Variants in EDAR observed in about 807,000 individuals in gnomAD.
EDAR encodes the protein tumor necrosis factor receptor superfamily member EDAR.
A neutral mutation model predicts 51.3 loss-of-function variants in EDAR; 38 were observed. The ratio of observed to expected loss-of-function variants is 0.74; its 90% CI spans 0.57 to 0.97. The LOEUF (loss-of-function observed/expected upper bound fraction) is 0.97. EDAR is among the 50% of genes least tolerant of loss of function. EDAR has a pLI of 0.00. For synonymous variants in EDAR, 227 were observed against 242.1 expected (o/e 0.94, Z 0.58); for missense variants, 528 against 595.0 (o/e 0.89, Z 1.17).
chr2:108,984,440 G>A (rs1698464556), intron 1 of EDAR, among the ~76,000 whole-genome samples: 1 of 152,026 alleles, frequency 6.6e-6, no homozygotes, highest in African/African-American at 2.4e-5. Context: ...CCTTGCCACG[G>A]CCCGCTCAGG....
intron 7 of EDAR, 24 bp downstream of exon 7, chr2:108,910,923 G>T: frequency 1.9e-6 from 3 of 1,614,096 alleles, no homozygotes; most frequent in Non-Finnish European, 2.5e-6. Context: ...AGGAAGCAGG[G>T]CACCGGCGCA....
chr2:108,946,992 G>A (rs868845242), intron 1 of EDAR, among the ~76,000 whole-genome samples: 4 of 152,186 alleles, frequency 2.6e-5, no homozygotes, highest in South Asian at 2.1e-4. Flanking sequence ...AGTCTCATCT[G>A]AGACAAGGCA....
Position 108,907,362 on chromosome 2 carries a change from G to A in EDAR, c.963+498C>T, listed in dbSNP as rs148866071. Among the ~76,000 whole-genome samples the A allele has an allele frequency of 2.7e-4, 41 of 152,210 alleles. 1 individual carries two copies. The highest frequency in any genetic ancestry group is 2.2e-3 in the Admixed American group (34 of 15,286). The stretch of plus-strand genomic sequence containing the variant: ...TATGAAGCTATATAATAAAAACAAA[G>A]TGGCTGGGCGTGGTAGCTCACACCT... On this transcript the variant is annotated intron_variant, in intron 10 of 11. Transcript: ENST00000258443.
At chr2:108,955,751 G>A (rs1697910023) in intron 1 of EDAR, among the ~76,000 whole-genome samples, 2 of 152,026 alleles carry the variant, frequency 1.3e-5, no homozygotes, top group Non-Finnish European at 2.9e-5. Flanking sequence ...TAGAGGTAGG[G>A]CGCGGTGGCT....
chr2:108,923,824 C>T (rs1256180965), intron 4 of EDAR, among the ~76,000 whole-genome samples: 1 of 152,252 alleles, frequency 6.6e-6, no homozygotes, highest in East Asian at 1.9e-4. Flanking sequence ...CAAGGCCAGA[C>T]CTTCCTGGAG....
chr2:108,913,705 GTT>G (rs1462362219), intron 5 of EDAR, among the ~76,000 whole-genome samples: 1 of 152,076 alleles, frequency 6.6e-6, no homozygotes, highest in Admixed American at 6.5e-5. Flanking sequence ...AGTTCTTCTT[GTT>G]AGAAGGACAA....
intron 1 of EDAR, 58 bp from the exon 2 acceptor site, chr2:108,931,090 G>A (rs1413706455): frequency 6.8e-7 from 1 of 1,461,516 alleles, no homozygotes; most frequent in African/African-American, 1.4e-5. Context: ...CGGGGGTCTG[G>A]CTACCTTTAT....
At position 108,907,941 on chromosome 2, in the gene EDAR, C is replaced by T; in HGVS notation, c.882G>A (p.Lys294=). 1 of 1,613,722 alleles carries T rather than the reference C, an allele frequency of 6.2e-7. No homozygotes were observed. Among genetic ancestry groups the T allele is most frequent in the Non-Finnish European group, 8.5e-7 (1 of 1,180,016 alleles). Residue 294 remains lysine (K), a synonymous_variant, in exon 10 of 12, where the codon AAG becomes AAA. Transcript: ENST00000258443. The part of the protein sequence containing the change: ...VDSDEEPAPD[K]QGSPELCLLS... ...GCAGGCACAGCTCCGGGGAGCCCTGCTTGTCAGGGGCGGGCTCCTCATCAC... is the reference window on the plus strand; with the variant it reads ...GCAGGCACAGCTCCGGGGAGCCCTGTTTGTCAGGGGCGGGCTCCTCATCAC...
chr2:108,973,823 CCA>C (rs1273927859), intron 1 of EDAR, among the ~76,000 whole-genome samples: 1 of 152,130 alleles, frequency 6.6e-6, no homozygotes, highest in African/African-American at 2.4e-5. Flanking sequence ...TTTGAATGCC[CCA>C]CAGACTTTTG....
At chr2:108,985,603 C>G (rs986408437) in intron 1 of EDAR, among the ~76,000 whole-genome samples, 1 of 152,210 alleles carries the variant, frequency 6.6e-6, no homozygotes, top group African/African-American at 2.4e-5. Flanking sequence ...GCAAGAGGAT[C>G]TGGGCAAGGA....
At chr2:108,921,431 G>A (rs777760383) in intron 5 of EDAR, among the ~76,000 whole-genome samples, 2 of 152,190 alleles carry the variant, frequency 1.3e-5, no homozygotes, top group Non-Finnish European at 2.9e-5. Flanking sequence ...TTTGTTTGGC[G>A]AGGGCCCAGG....
intron 1 of EDAR, among the ~76,000 whole-genome samples, chr2:108,982,640 G>T (rs2104479854): frequency 6.6e-6 from 1 of 152,334 alleles, no homozygotes; most frequent in Admixed American, 6.5e-5. Flanking sequence ...TCAGAGTGCT[G>T]TGTGTGGTCT....
intron 1 of EDAR, among the ~76,000 whole-genome samples, chr2:108,949,372 T>C (rs1357188747): frequency 2.6e-5 from 4 of 152,298 alleles, no homozygotes; most frequent in African/African-American, 7.2e-5. Flanking sequence ...GCACAATATC[T>C]GATAATTTTG....
chr2:108,939,622 A>C (rs530158876), intron 1 of EDAR, among the ~76,000 whole-genome samples: 1 of 152,206 alleles, frequency 6.6e-6, no homozygotes, highest in Admixed American at 6.5e-5. Flanking sequence ...TAGGAAGTGC[A>C]GTCACAGTGT....
intron 5 of EDAR, among the ~76,000 whole-genome samples, chr2:108,919,181 A>C (rs2105421608): frequency 6.6e-6 from 1 of 152,274 alleles, no homozygotes; most frequent in Middle Eastern, 3.4e-3. Context: ...CTTGCTGTTT[A>C]GTGTCACGGA....
At chr2:108,984,904 C>A (rs1173801565) in intron 1 of EDAR, among the ~76,000 whole-genome samples, 1 of 152,194 alleles carries the variant, frequency 6.6e-6, no homozygotes, top group Non-Finnish European at 1.5e-5. Flanking sequence ...ATCCTGCCTG[C>A]TTCCTCCTGT....
chr2:108,954,760 C>T (rs1168140158), intron 1 of EDAR, among the ~76,000 whole-genome samples: 9 of 151,990 alleles, frequency 5.9e-5, no homozygotes, highest in Admixed American at 5.9e-4. Context: ...ACTGCAACCT[C>T]CACCTCCCAG....
rs1040234851 is a variant in EDAR at position 108,926,600 on chromosome 2, G to A, written c.356+2598C>T. ...GGGTGGTGGAGCTCCTCCGGGGTGAGGCCTGGAGAGGTGAGGAAGCGTAAC... is the reference window on the plus strand; with the variant it reads ...GGGTGGTGGAGCTCCTCCGGGGTGAAGCCTGGAGAGGTGAGGAAGCGTAAC... On this transcript the variant is annotated intron_variant, in intron 4 of 11. Coordinates refer to ENST00000258443, the MANE Select transcript of EDAR (RefSeq NM_022336.4). Among the ~76,000 whole-genome samples the A allele has an allele frequency of 2.0e-5, 3 of 152,314 alleles. No homozygotes were observed. In the East Asian group the frequency reaches 5.8e-4, roughly 29 times the overall value.
At chr2:108,968,028 C>G (rs972889075) in intron 1 of EDAR, among the ~76,000 whole-genome samples, 1 of 152,182 alleles carries the variant, frequency 6.6e-6, no homozygotes, top group Non-Finnish European at 1.5e-5. Context: ...TGTTATTGAG[C>G]ATAGGACATG....
Sources: gnomAD v4.1 joint callset for allele counts (sites outside exome capture counted in the v4.1 genomes callset) on GRCh38, gnomAD v4.1.1 for gene constraint, MANE v1.5 for transcripts, NCBI Gene and HGNC (gene_info 2026-07-23, HGNC 2026-07-21) for gene names.